Variants in ELAVL2 observed in about 807,000 individuals in gnomAD.
ELAVL2 encodes ELAV like RNA binding protein 2.
In ELAVL2, 4 loss-of-function variants were observed where a neutral mutation model predicts 34.6. That is an observed-to-expected ratio of 0.12 (90% CI 0.06 to 0.26). The LOEUF is 0.26. Among genes scored for constraint, ELAVL2 ranks in the 10% least tolerant of loss-of-function variants. The pLI, the probability that ELAVL2 is intolerant of heterozygous loss-of-function variation, is 1.00. For missense variants in ELAVL2, 432 were observed against 442.8 expected (o/e 0.98, Z 0.22); for synonymous variants, 193 against 154.8 (o/e 1.25, Z -1.83).
intron 1 of ELAVL2, among the ~76,000 whole-genome samples, chr9:23,798,840 T>C (rs1365259043): frequency 1.3e-5 from 2 of 152,182 alleles, no homozygotes; most frequent in African/African-American, 4.8e-5. Flanking sequence ...TTCATTATCT[T>C]AAAAAACTGC....
chr9:23,808,164 A>T (rs2062490955), intron 1 of ELAVL2, among the ~76,000 whole-genome samples: 1 of 152,152 alleles, frequency 6.6e-6, no homozygotes. Flanking sequence ...TGTACAGTAA[A>T]AATAAGGTAG....
At chr9:23,823,080 A>C (rs1262289409) in intron 1 of ELAVL2, among the ~76,000 whole-genome samples, 3 of 152,246 alleles carry the variant, frequency 2.0e-5, no homozygotes, top group Non-Finnish European at 2.9e-5. Flanking sequence ...TGTGCGACCC[A>C]GTCTGGGGAC....
intron 1 of ELAVL2, among the ~76,000 whole-genome samples, chr9:23,796,811 T>C (rs1313933675): frequency 6.6e-6 from 1 of 152,216 alleles, no homozygotes; most frequent in Non-Finnish European, 1.5e-5. Flanking sequence ...TTGCCCTTCG[T>C]CCTTTGTATA....
chr9:23,781,662 A>G (rs1417611057), intron 1 of ELAVL2, among the ~76,000 whole-genome samples: 2 of 151,388 alleles, frequency 1.3e-5, no homozygotes, highest in African/African-American at 4.9e-5. Flanking sequence ...CCACAGGTAC[A>G]CACCACCACA....
At chr9:23,809,225 C>A (rs905647271) in intron 1 of ELAVL2, among the ~76,000 whole-genome samples, 1 of 152,268 alleles carries the variant, frequency 6.6e-6, no homozygotes, top group East Asian at 1.9e-4. Context: ...TAGAGACAAT[C>A]TGATGACCTT....
chr9:23,727,499 T>C lies in ELAVL2; in HGVS notation c.333+3523A>G, dbSNP rs981427890. Among the ~76,000 whole-genome samples, 3 of 152,066 alleles carry C rather than the reference T, an allele frequency of 2.0e-5. No individual in the cohort carries two copies. The South Asian group carries it at 6.2e-4, about 31-fold the overall frequency. ...TAAAATGCTAGAAGACAAACTGAACTTTGCACACACAAATACCAAATGTAT... is the reference window on the plus strand; with the variant it reads ...TAAAATGCTAGAAGACAAACTGAACCTTGCACACACAAATACCAAATGTAT... On this transcript the variant is annotated intron_variant, in intron 3 of 6. Transcript: ENST00000397312.
chr9:23,836,257 G>A, the ELAVL2 span, among the ~76,000 whole-genome samples: 1 of 152,186 alleles, frequency 6.6e-6, no homozygotes, highest in Non-Finnish European at 1.5e-5. Context: ...GTAAACATGA[G>A]TTGGAAGATG....
intron 1 of ELAVL2, among the ~76,000 whole-genome samples, chr9:23,774,657 C>CT (rs1688772094): frequency 8.1e-6 from 1 of 123,048 alleles, no homozygotes; most frequent in Admixed American, 9.0e-5. Flanking sequence ...CCCCACCCCC[C>CT]TCCCCAACTC....
intron 3 of ELAVL2, among the ~76,000 whole-genome samples, chr9:23,725,406 T>C (rs114435658): frequency 6.7e-4 from 102 of 152,280 alleles, no homozygotes; most frequent in African/African-American, 2.5e-3. Flanking sequence ...ACTCCCAGCA[T>C]TATGGCTATT....
At chr9:23,775,402 A>G (rs963302498) in intron 1 of ELAVL2, among the ~76,000 whole-genome samples, 2 of 152,202 alleles carry the variant, frequency 1.3e-5, no homozygotes, top group Non-Finnish European at 2.9e-5. Context: ...AAGCTATATT[A>G]CATTCTCTTC....
rs138018309 is a variant in ELAVL2, at chr9:23,760,161, G to C, written c.229+1845C>G. On this transcript the variant is annotated intron_variant, in intron 2 of 6. Transcript: ENST00000397312. ...GCTCTAAAGATTCACAAAAGAGTAAGATTAATTCAAGATTGACTAGAGGTG... is the reference window on the plus strand; with the variant it reads ...GCTCTAAAGATTCACAAAAGAGTAACATTAATTCAAGATTGACTAGAGGTG... 6.2e-3 allele frequency among the ~76,000 whole-genome samples: 944 copies of C among 152,056 alleles called. 4 individuals are homozygous for C. The highest frequency in any genetic ancestry group is 0.011 in the Non-Finnish European group (727 of 67,928).
At chr9:23,771,612 C>T (rs892369977) in intron 1 of ELAVL2, among the ~76,000 whole-genome samples, 3 of 152,066 alleles carry the variant, frequency 2.0e-5, no homozygotes, top group Admixed American at 1.3e-4. Context: ...TATAAAATCA[C>T]AAATCAGTAG....
chr9:23,719,610 G>C lies in ELAVL2; in HGVS notation c.333+11412C>G, dbSNP rs141599105. 1.8e-3 allele frequency among the ~76,000 whole-genome samples: 278 copies of C among 151,936 alleles called. 1 individual carries two copies. The highest frequency in any genetic ancestry group is 4.8e-3 in the Admixed American group (73 of 15,264). On this transcript the variant is annotated intron_variant, in intron 3 of 6. Transcript: ENST00000397312. Reference sequence around the variant, plus strand: ...CAACATTTGGTTTACAGGTCAAAAGGGTTTCTAAATTAAGTTTGCATATAG... The same window carrying C: ...CAACATTTGGTTTACAGGTCAAAAGCGTTTCTAAATTAAGTTTGCATATAG...
At chr9:23,754,118 C>G (rs2052899287) in intron 2 of ELAVL2, among the ~76,000 whole-genome samples, 1 of 152,108 alleles carries the variant, frequency 6.6e-6, no homozygotes, top group Non-Finnish European at 1.5e-5. Context: ...AACTGTATAA[C>G]TGTCTCGTGG....
chr9:23,765,366 T>C (rs908915092), intron 1 of ELAVL2, among the ~76,000 whole-genome samples: 3 of 152,138 alleles, frequency 2.0e-5, no homozygotes, highest in African/African-American at 7.2e-5. Context: ...GAAGAACTAA[T>C]GTAAACCACA....
intron 2 of ELAVL2, among the ~76,000 whole-genome samples, chr9:23,743,646 T>C (rs971524500): frequency 1.3e-5 from 2 of 152,178 alleles, no homozygotes; most frequent in South Asian, 2.1e-4. Flanking sequence ...TGGATACATC[T>C]TTCCTATGAA....
At chr9:23,748,513 C>T (rs1190586991) in intron 2 of ELAVL2, among the ~76,000 whole-genome samples, 1 of 152,132 alleles carries the variant, frequency 6.6e-6, no homozygotes, top group Non-Finnish European at 1.5e-5. Context: ...CACCAACTGC[C>T]TCTTCCTCCA....
At chr9:23,720,186 T>C (rs569090370) in intron 3 of ELAVL2, among the ~76,000 whole-genome samples, 1 of 151,698 alleles carries the variant, frequency 6.6e-6, no homozygotes, top group Non-Finnish European at 1.5e-5. Flanking sequence ...CACCTTTTTT[T>C]TTTGAGACAG....
intron 2 of ELAVL2, among the ~76,000 whole-genome samples, chr9:23,755,443 C>A (rs544102888): frequency 6.6e-6 from 1 of 152,046 alleles, no homozygotes; most frequent in South Asian, 2.1e-4. Flanking sequence ...ACAGTGATAA[C>A]ACCAAATTTT....
Sources: gnomAD v4.1 joint callset for allele counts (sites outside exome capture counted in the v4.1 genomes callset) on GRCh38, gnomAD v4.1.1 for gene constraint, MANE v1.5 for transcripts, NCBI Gene and HGNC (gene_info 2026-07-23, HGNC 2026-07-21) for gene names.